The following CMTM8 variants were observed in gnomAD, a reference collection of about 807,000 sequenced individuals.
The protein encoded by CMTM8 is CKLF-like MARVEL transmembrane domain-containing protein 8.
In CMTM8, 12 loss-of-function variants were observed where a neutral mutation model predicts 18.6. That is an observed-to-expected ratio of 0.65 (90% CI 0.41 to 1.05). The LOEUF (loss-of-function observed/expected upper bound fraction) is 1.05. Among genes scored for constraint, CMTM8 ranks in the 50% least tolerant of loss-of-function variants. CMTM8 has a pLI of 0.00. For synonymous variants in CMTM8, 87 were observed against 90.6 expected (o/e 0.96, Z 0.23); for missense variants, 217 against 227.2 (o/e 0.95, Z 0.29).
At chr3:32,353,760 AT>A (rs1207099160) in intron 1 of CMTM8, among the ~76,000 whole-genome samples, 3 of 149,628 alleles carry the variant, frequency 2.0e-5, no homozygotes, top group African/African-American at 7.4e-5. Flanking sequence ...GGGCGTTGTC[AT>A]TTCTTAATAT....
chr3:32,364,981 C>T (rs2093196177), intron 2 of CMTM8, among the ~76,000 whole-genome samples: 1 of 152,152 alleles, frequency 6.6e-6, no homozygotes, highest in African/African-American at 2.4e-5. Context: ...TCCTCCCCTT[C>T]CTAGCAGCTG....
chr3:32,242,101 C>T (rs993419944), intron 1 of CMTM8, among the ~76,000 whole-genome samples: 1 of 152,158 alleles, frequency 6.6e-6, no homozygotes, highest in African/African-American at 2.4e-5. Context: ...CCTCTGCTTC[C>T]CATGTCCAGT....
chr3:32,311,173 G>A (rs763804164), intron 1 of CMTM8, among the ~76,000 whole-genome samples: 6 of 152,184 alleles, frequency 3.9e-5, no homozygotes, highest in African/African-American at 7.2e-5. Flanking sequence ...TGTGTGACCC[G>A]CAAGCTAAGA....
rs371092953 is a variant in CMTM8, at chr3:32,260,260, T to A, written c.147+21141T>A. 2.2e-4 allele frequency: 271 copies of A among 1,223,982 alleles called. 2 individuals carry two copies. The South Asian group carries it at 3.1e-3, about 14-fold the overall frequency. The allele number at this position is 1,223,982 out of a possible 1,614,324, so 75.8% of individuals were successfully genotyped here. A position where few individuals can be genotyped will look rare whatever the true frequency, so the allele number is the denominator to read the frequency against. ...GCAGAAGCAGGGTACCCTTTGGGGATCAGGAGGCCAATAAAAAGTTCAGAG... is the reference window on the plus strand; with the variant it reads ...GCAGAAGCAGGGTACCCTTTGGGGAACAGGAGGCCAATAAAAAGTTCAGAG... On this transcript the variant is annotated intron_variant, in intron 1 of 3. Transcript: ENST00000307526.
chr3:32,265,538 A>G (rs1702325956), intron 1 of CMTM8, among the ~76,000 whole-genome samples: 1 of 152,184 alleles, frequency 6.6e-6, no homozygotes, highest in Admixed American at 6.5e-5. Context: ...ATCACAATTA[A>G]AAGAACTAGA....
intron 1 of CMTM8, among the ~76,000 whole-genome samples, chr3:32,349,852 AC>A (rs1696670874): frequency 6.6e-6 from 1 of 152,162 alleles, no homozygotes; most frequent in South Asian, 2.1e-4. Flanking sequence ...TACTAAAAAT[AC>A]AAAAATTAGC....
intron 1 of CMTM8, among the ~76,000 whole-genome samples, chr3:32,351,432 G>T (rs184985651): frequency 6.6e-6 from 1 of 152,296 alleles, no homozygotes; most frequent in East Asian, 1.9e-4. Context: ...TGTCGGCCAG[G>T]CATGGTGGTT....
At chr3:32,287,127 C>T (rs539852165) in intron 1 of CMTM8, among the ~76,000 whole-genome samples, 25 of 152,254 alleles carry the variant, frequency 1.6e-4, no homozygotes, top group African/African-American at 5.8e-4. Context: ...TTATACTGAC[C>T]CAATCCATTA....
At chr3:32,322,222 G>A (rs1174917583) in intron 1 of CMTM8, among the ~76,000 whole-genome samples, 2 of 152,194 alleles carry the variant, frequency 1.3e-5, no homozygotes, top group East Asian at 3.8e-4. Context: ...GTCCAATTCA[G>A]ATTATTCTGA....
chr3:32,352,982 T>C (rs143571666), intron 1 of CMTM8, among the ~76,000 whole-genome samples: 52 of 152,238 alleles, frequency 3.4e-4, no homozygotes, highest in African/African-American at 1.1e-3. Context: ...CTAAGGTTTT[T>C]TGTTTGTTTG....
intron 2 of CMTM8, among the ~76,000 whole-genome samples, chr3:32,359,990 G>A (rs780154210): frequency 3.9e-5 from 6 of 152,156 alleles, no homozygotes; most frequent in Non-Finnish European, 7.3e-5. Context: ...TGCCTGAGCG[G>A]TAGGTAGGAA....
At chr3:32,303,691 C>T (rs559776751) in intron 1 of CMTM8, among the ~76,000 whole-genome samples, 130 of 151,900 alleles carry the variant, frequency 8.6e-4, no homozygotes, top group Non-Finnish European at 1.7e-3. Flanking sequence ...TAGACTCCTT[C>T]GCTTAAATTT....
intron 1 of CMTM8, among the ~76,000 whole-genome samples, chr3:32,294,747 G>A (rs1702844446): frequency 6.6e-6 from 1 of 152,116 alleles, no homozygotes; most frequent in African/African-American, 2.4e-5. Flanking sequence ...AAGATATTGT[G>A]TCTATTCTTT....
At chr3:32,268,415 G>A (rs1003921838) in intron 1 of CMTM8, among the ~76,000 whole-genome samples, 2 of 152,080 alleles carry the variant, frequency 1.3e-5, no homozygotes, top group African/African-American at 2.4e-5. Flanking sequence ...GGACACAGGA[G>A]GGGGAACATC....
At chr3:32,262,671 C>T (rs747998279) in intron 1 of CMTM8, among the ~76,000 whole-genome samples, 15 of 152,186 alleles carry the variant, frequency 9.9e-5, no homozygotes, top group Non-Finnish European at 1.5e-4. Context: ...AAGATAATGA[C>T]GATGTCACAT....
chr3:32,344,894 C>T (rs1696565164), intron 1 of CMTM8, among the ~76,000 whole-genome samples: 1 of 151,770 alleles, frequency 6.6e-6, no homozygotes, highest in Non-Finnish European at 1.5e-5. Flanking sequence ...GACCCTGTCT[C>T]AAAAACAAAA....
chr3:32,347,297 G>GT (rs56826485), intron 1 of CMTM8, among the ~76,000 whole-genome samples: 38,068 of 136,866 alleles, frequency 0.28, 5,475 homozygotes, highest in South Asian at 0.37. Context: ...TTTTGCTTAG[G>GT]TTTTTTTTTT....
At chr3:32,315,278 T>C (rs976440968) in intron 1 of CMTM8, among the ~76,000 whole-genome samples, 30 of 151,912 alleles carry the variant, frequency 2.0e-4, no homozygotes, top group Admixed American at 1.5e-3. Context: ...TACAGGCGCA[T>C]GCCACCACAC....
In CMTM8 at chr3:32,263,754, A is replaced by AATT. The variant is rs976086055; in HGVS notation, c.147+24636_147+24637insTTA. On this transcript the variant is annotated intron_variant, in intron 1 of 3. Transcript: ENST00000307526. ...AATAACCAATGCAGAGAAGTCCTTA[A>AATT]AGGACCTCATGGAGCTGAAAACCAC... 2.8e-4 allele frequency among the ~76,000 whole-genome samples: 43 copies of AATT among 152,188 alleles called. 2 individuals are homozygous for AATT. The highest frequency in any genetic ancestry group is 2.7e-3 in the Admixed American group (41 of 15,284).
Sources: allele counts gnomAD v4.1 joint callset (sites outside exome capture counted in the v4.1 genomes callset), GRCh38; gene constraint gnomAD v4.1.1; transcripts MANE v1.5; gene names NCBI Gene and HGNC (gene_info 2026-07-23, HGNC 2026-07-21).